The following SNX29 variants were observed in gnomAD, a reference collection of about 807,000 sequenced individuals.
SNX29 encodes sorting nexin 29, also known as sorting nexin-29.
SNX29 carries 78 observed loss-of-function variants against 102.1 expected under a neutral mutation model. The ratio of observed to expected loss-of-function variants is 0.76; its 90% confidence interval spans 0.64 to 0.92. The LOEUF is 0.92. Ranked by LOEUF, SNX29 falls within the 40% of genes least tolerant of loss-of-function variation. The pLI is 0.00. For missense variants in SNX29, 1,280 were observed against 1,061.7 expected, an observed-to-expected ratio of 1.21 and a Z score of -2.86; for synonymous variants, 580 against 414.5, an observed-to-expected ratio of 1.40 and a Z score of -4.85.
At chr16:12,448,181 G>A (rs2151702759) in intron 18 of SNX29, among the ~76,000 whole-genome samples, 1 of 152,342 alleles carries the variant, frequency 6.6e-6, no homozygotes, top group Non-Finnish European at 1.5e-5. Flanking sequence ...CACATAGCTT[G>A]TAAGTGACAA....
chr16:12,562,483 C>T (rs1053131293), intron 20 of SNX29, among the ~76,000 whole-genome samples: 1 of 152,158 alleles, frequency 6.6e-6, no homozygotes, highest in Non-Finnish European at 1.5e-5. Flanking sequence ...AACTCGAGTC[C>T]TAGAAAGGAG....
chr16:12,565,778 A>T (rs1024629905), intron 20 of SNX29, among the ~76,000 whole-genome samples: 9 of 151,402 alleles, frequency 5.9e-5, no homozygotes, highest in African/African-American at 1.9e-4. Context: ...TTTCATTTTC[A>T]CATCTAGAGG....
At chr16:12,174,248 C>T (rs1044109670) in intron 13 of SNX29, among the ~76,000 whole-genome samples, 2 of 152,142 alleles carry the variant, frequency 1.3e-5, no homozygotes, top group Non-Finnish European at 2.9e-5. Context: ...GTAGCTAGAG[C>T]GTCTCCCCTG....
chr16:12,207,563 A>C (rs1376394863), intron 14 of SNX29, among the ~76,000 whole-genome samples: 8 of 152,066 alleles, frequency 5.3e-5, no homozygotes, highest in Non-Finnish European at 1.5e-5. Context: ...CTCACTGCTC[A>C]TCACAGAGCT....
chr16:12,011,075 G>A (rs1409073783), intron 3 of SNX29, among the ~76,000 whole-genome samples: 1 of 151,662 alleles, frequency 6.6e-6, no homozygotes, highest in Non-Finnish European at 1.5e-5. Context: ...TTCATTAATT[G>A]GACTCTCCCC....
chr16:12,394,806 G>GTT (rs1412147845), intron 16 of SNX29, among the ~76,000 whole-genome samples: 2 of 152,216 alleles, frequency 1.3e-5, no homozygotes, highest in Admixed American at 1.3e-4. Context: ...CTTCCTCTGT[G>GTT]TTTATTCACA....
chr16:12,544,807 C>G (rs1017970327), intron 20 of SNX29, among the ~76,000 whole-genome samples: 2 of 152,240 alleles, frequency 1.3e-5, no homozygotes, highest in African/African-American at 2.4e-5. Context: ...AGAGACCAAA[C>G]TCTTGACCAC....
chr16:12,045,531 T>G (rs111950950), intron 5 of SNX29, among the ~76,000 whole-genome samples: 1 of 151,996 alleles, frequency 6.6e-6, no homozygotes, highest in African/African-American at 2.4e-5. Flanking sequence ...CTGCCATCTA[T>G]ATTTGTGGGG....
At chr16:12,273,746 C>T (rs1003393740) in intron 14 of SNX29, among the ~76,000 whole-genome samples, 3 of 152,168 alleles carry the variant, frequency 2.0e-5, no homozygotes, top group Non-Finnish European at 2.9e-5. Context: ...AAGCCTGATA[C>T]CCTTTAGCAG....
chr16:12,371,138 T>C (rs2082667384), intron 16 of SNX29, among the ~76,000 whole-genome samples: 1 of 152,164 alleles, frequency 6.6e-6, no homozygotes, highest in Non-Finnish European at 1.5e-5. Context: ...AAAGCGGTGG[T>C]TGGGGATGCA....
chr16:12,015,354 C>T (rs900131611), intron 3 of SNX29, among the ~76,000 whole-genome samples: 3 of 152,004 alleles, frequency 2.0e-5, no homozygotes, highest in East Asian at 3.8e-4. Flanking sequence ...GATTCTCCTG[C>T]CTCAGCGTCC....
At chr16:12,537,329 G>A (rs1318345633) in intron 20 of SNX29, among the ~76,000 whole-genome samples, 1 of 152,216 alleles carries the variant, frequency 6.6e-6, no homozygotes, top group African/African-American at 2.4e-5. Context: ...CCAAAGCTCT[G>A]TTAGTAAATT....
At chr16:12,035,518 G>T (rs2629085) in intron 4 of SNX29, among the ~76,000 whole-genome samples, 1 of 152,218 alleles carries the variant, frequency 6.6e-6, no homozygotes, top group Non-Finnish European at 1.5e-5. Context: ...TCAGCCCCTT[G>T]TTGGCACTCT....
At chr16:12,185,757 C>T (rs2076494951) in intron 13 of SNX29, among the ~76,000 whole-genome samples, 1 of 152,246 alleles carries the variant, frequency 6.6e-6, no homozygotes, top group Non-Finnish European at 1.5e-5. Flanking sequence ...TTCGGGACAT[C>T]TCACCCTCCA....
chr16:12,246,522 T>A (rs1020191808), intron 14 of SNX29, among the ~76,000 whole-genome samples: 17 of 152,006 alleles, frequency 1.1e-4, no homozygotes, highest in Non-Finnish European at 1.9e-4. Context: ...ACTCCTGTAA[T>A]CCCAGCTACT....
chr16:12,073,894 G>A (rs1279873401), intron 10 of SNX29, among the ~76,000 whole-genome samples: 4 of 151,880 alleles, frequency 2.6e-5, no homozygotes, highest in South Asian at 4.2e-4. Context: ...AGCTCTTCTT[G>A]TTGAATTGAT....
At chr16:12,326,908 C>T (rs531327554) in intron 15 of SNX29, among the ~76,000 whole-genome samples, 8 of 152,062 alleles carry the variant, frequency 5.3e-5, no homozygotes, top group South Asian at 2.1e-4. Flanking sequence ...GGCCAAGGTC[C>T]GAGGCATTTG....
chr16:12,176,156 CAGTGTT>C (rs1414993589), intron 13 of SNX29, among the ~76,000 whole-genome samples: 4 of 152,200 alleles, frequency 2.6e-5, no homozygotes, highest in Non-Finnish European at 5.9e-5. Flanking sequence ...GCCAACACCT[CAGTGTT>C]AGACTTCCAG....
At chr16:12,321,150 C>T (rs1265743497) in intron 15 of SNX29, among the ~76,000 whole-genome samples, 2 of 152,130 alleles carry the variant, frequency 1.3e-5, no homozygotes, top group African/African-American at 2.4e-5. Flanking sequence ...CTGTCAGCTG[C>T]CACACTGCTC....
Sources: allele counts gnomAD v4.1 joint callset (sites outside exome capture counted in the v4.1 genomes callset), GRCh38; gene constraint gnomAD v4.1.1; transcripts MANE v1.5; gene names NCBI Gene and HGNC (gene_info 2026-07-23, HGNC 2026-07-21).